Variants in GFRA1 observed in about 807,000 individuals in gnomAD.
GFRA1 encodes GDNF family receptor alpha-1.
A neutral mutation model predicts 51.6 loss-of-function variants in GFRA1; 16 were observed. That is an observed-to-expected ratio of 0.31 (90% CI 0.21 to 0.47). GFRA1 has a LOEUF of 0.47. GFRA1 is among the 20% of genes least tolerant of loss of function. The pLI is 1.00. For missense variants in GFRA1, 530 were observed against 594.3 expected, an observed-to-expected ratio of 0.89 and a Z score of 1.13; for synonymous variants, 270 against 241.3, an observed-to-expected ratio of 1.12 and a Z score of -1.10.
chr10:116,085,404 T>C (rs918500770), intron 9 of GFRA1, among the ~76,000 whole-genome samples: 4 of 152,226 alleles, frequency 2.6e-5, no homozygotes. Flanking sequence ...CCAAAGATAG[T>C]TGACTTTCTC....
intron 5 of GFRA1, among the ~76,000 whole-genome samples, chr10:116,171,174 T>C (rs1289616711): frequency 6.6e-6 from 1 of 152,224 alleles, no homozygotes; most frequent in Non-Finnish European, 1.5e-5. Context: ...AAACCTGCCC[T>C]GGATTATGCT....
In GFRA1 at chr10:116,251,706, C is replaced by T. The variant is rs1423797519; in HGVS notation, c.418+17797G>A. Among the ~76,000 whole-genome samples, 3 of 152,128 alleles carry T rather than the reference C, an allele frequency of 2.0e-5. No individual in the cohort carries two copies. In the East Asian group the frequency reaches 5.8e-4, roughly 29 times the overall value. On this transcript the variant is annotated intron_variant, in intron 4 of 10. Coordinates refer to ENST00000355422, the MANE Select transcript of GFRA1 (RefSeq NM_005264.8). ...GCTGGGGAGGCAAATCTGTCAATTC[C>T]AGCATCCCAGGCTCAGTTTCAAGAG...
chr10:116,214,214 G>A (rs2134456940), intron 4 of GFRA1, among the ~76,000 whole-genome samples: 1 of 152,342 alleles, frequency 6.6e-6, no homozygotes, highest in African/African-American at 2.4e-5. Context: ...CACAGCCACT[G>A]TGAAGTTTAT....
At chr10:116,162,884 T>G (rs1217018717) in intron 5 of GFRA1, among the ~76,000 whole-genome samples, 1 of 152,148 alleles carries the variant, frequency 6.6e-6, no homozygotes, top group Non-Finnish European at 1.5e-5. Context: ...AAATATGACT[T>G]GAGTCACAAG....
chr10:116,251,475 AGG>A (rs1362417657), intron 4 of GFRA1, among the ~76,000 whole-genome samples: 4 of 152,182 alleles, frequency 2.6e-5, no homozygotes, highest in African/African-American at 4.8e-5. Flanking sequence ...AAAATGTGTG[AGG>A]TTGCCAGGTT....
intron 5 of GFRA1, among the ~76,000 whole-genome samples, chr10:116,197,443 T>C (rs1040237431): frequency 6.6e-6 from 1 of 152,220 alleles, no homozygotes; most frequent in African/African-American, 2.4e-5. Flanking sequence ...CAATTTATGG[T>C]ATTTTATCGT....
intron 5 of GFRA1, among the ~76,000 whole-genome samples, chr10:116,155,155 T>C (rs763460985): frequency 3.9e-5 from 6 of 152,194 alleles, no homozygotes; most frequent in Non-Finnish European, 7.3e-5. Flanking sequence ...GACAATCCTA[T>C]GGTTATGTAT....
chr10:116,220,683 T>C (rs976481924), intron 4 of GFRA1, among the ~76,000 whole-genome samples: 4 of 152,174 alleles, frequency 2.6e-5, no homozygotes, highest in East Asian at 1.9e-4. Flanking sequence ...AGGAGGAGCT[T>C]TGATGATGTA....
At chr10:116,141,251 T>TA (rs1201079973) in intron 5 of GFRA1, among the ~76,000 whole-genome samples, 1 of 152,104 alleles carries the variant, frequency 6.6e-6, no homozygotes, top group East Asian at 1.9e-4. Context: ...ACAATGCAGG[T>TA]ACGTGATGTT....
chr10:116,117,239 TC>T (rs1957446825), intron 6 of GFRA1, among the ~76,000 whole-genome samples: 1 of 152,284 alleles, frequency 6.6e-6, no homozygotes, highest in South Asian at 2.1e-4. Flanking sequence ...TGTTTTGTTT[TC>T]TTTTTTTACT....
At chr10:116,207,207 C>G (rs892243206) in intron 5 of GFRA1, among the ~76,000 whole-genome samples, 1 of 126,714 alleles carries the variant, frequency 7.9e-6, no homozygotes, top group Non-Finnish European at 1.7e-5. Flanking sequence ...GGCCAAAGCA[C>G]CTGGCCAAAC....
chr10:116,063,417 T>C lies in GFRA1; in HGVS notation c.*981A>G, dbSNP rs909879653. On this transcript the variant is annotated 3_prime_UTR_variant, in exon 11 of 11. Coordinates refer to ENST00000355422, the MANE Select transcript of GFRA1 (RefSeq NM_005264.8). ...CTTTTGATGAGCTGTATTTGTGAAGTTCATATCAGAGCGAACACTACTTAT... is the reference window on the plus strand; with the variant it reads ...CTTTTGATGAGCTGTATTTGTGAAGCTCATATCAGAGCGAACACTACTTAT... 1 of 152,214 alleles carries C rather than the reference T, an allele frequency of 6.6e-6. No individual in the cohort carries two copies. Among genetic ancestry groups the C allele is most frequent in the African/African-American group, 2.4e-5 (1 of 41,460 alleles). 9.4% of individuals were successfully genotyped at this position (152,214 alleles called of 1,614,324 possible).
At chr10:116,167,241 C>G (rs1960553915) in intron 5 of GFRA1, among the ~76,000 whole-genome samples, 1 of 152,174 alleles carries the variant, frequency 6.6e-6, no homozygotes, top group African/African-American at 2.4e-5. Context: ...AAGTCTTTCC[C>G]AAATGAATAC....
chr10:116,074,049 G>T (rs923927145), intron 9 of GFRA1, among the ~76,000 whole-genome samples: 1 of 152,208 alleles, frequency 6.6e-6, no homozygotes, highest in Non-Finnish European at 1.5e-5. Flanking sequence ...GAATAGTGAT[G>T]ATGACTGTGA....
chr10:116,252,918 C>CT (rs997897016), intron 4 of GFRA1, among the ~76,000 whole-genome samples: 1 of 152,222 alleles, frequency 6.6e-6, no homozygotes, highest in African/African-American at 2.4e-5. Flanking sequence ...CAAACTTAGT[C>CT]TGACTCCAAA....
intron 6 of GFRA1, among the ~76,000 whole-genome samples, chr10:116,098,665 C>A (rs531046804): frequency 6.6e-6 from 1 of 152,334 alleles, no homozygotes; most frequent in Non-Finnish European, 1.5e-5. Flanking sequence ...AGAGACAAGA[C>A]AAAAGGTCGC....
chr10:116,203,355 C>T (rs1403646689), intron 5 of GFRA1, among the ~76,000 whole-genome samples: 1 of 152,178 alleles, frequency 6.6e-6, no homozygotes, highest in African/African-American at 2.4e-5. Context: ...CAAGCAGCCC[C>T]CACTCTCTGA....
chr10:116,156,796 T>C (rs1959212490), intron 5 of GFRA1, among the ~76,000 whole-genome samples: 1 of 151,216 alleles, frequency 6.6e-6, no homozygotes, highest in Admixed American at 6.6e-5. Flanking sequence ...TGATATTTCA[T>C]TGCAGGCTTT....
In GFRA1 at chr10:116,143,156, C is replaced by G. The variant is rs192167318; in HGVS notation, c.434-17599G>C. Among the ~76,000 whole-genome samples the G allele has an allele frequency of 5.9e-5, 9 of 152,194 alleles. No homozygotes were observed. The East Asian group carries it at 1.7e-3, about 29-fold the overall frequency. ...ATCCCAGCTTTGTCCCTACTTAAAACCAGTTGTACGGTTCATATACTCCAA... is the reference window on the plus strand; with the variant it reads ...ATCCCAGCTTTGTCCCTACTTAAAAGCAGTTGTACGGTTCATATACTCCAA... On this transcript the variant is annotated intron_variant, in intron 5 of 10. Transcript: ENST00000355422.
Sources: allele counts gnomAD v4.1 joint callset (sites outside exome capture counted in the v4.1 genomes callset), GRCh38; gene constraint gnomAD v4.1.1; transcripts MANE v1.5; gene names NCBI Gene and HGNC (gene_info 2026-07-23, HGNC 2026-07-21).